Variants in ATP9B observed in about 807,000 individuals in gnomAD.
ATP9B encodes the protein probable phospholipid-transporting ATPase IIB.
Under a neutral mutation model 146.1 loss-of-function variants are expected in ATP9B, and 110 were observed. The observed-to-expected ratio is 0.75, with a 90% CI of 0.65 to 0.88. The LOEUF is 0.88. Among genes scored for constraint, ATP9B ranks in the 40% least tolerant of loss-of-function variants. The pLI is 0.00. For synonymous variants in ATP9B, 604 were observed against 569.7 expected (o/e 1.06, Z -0.86); for missense variants, 1,499 against 1,496.4 (o/e 1.00, Z -0.03).
chr18:79,365,758 G>A (rs116560294), intron 26 of ATP9B, among the ~76,000 whole-genome samples: 1,938 of 152,152 alleles, frequency 0.013, 44 homozygotes, highest in African/African-American at 0.044. Flanking sequence ...GGACATCTCC[G>A]TGGACAGGGA....
chr18:79,217,443 C>CA (rs2095638309), intron 11 of ATP9B, among the ~76,000 whole-genome samples: 1 of 152,240 alleles, frequency 6.6e-6, no homozygotes, highest in Admixed American at 6.5e-5. Flanking sequence ...CTCTGCCTCC[C>CA]AAAGTGCTGG....
chr18:79,321,532 GC>G (rs1433000548), intron 15 of ATP9B, among the ~76,000 whole-genome samples: 5 of 152,074 alleles, frequency 3.3e-5, no homozygotes, highest in Non-Finnish European at 7.4e-5. Context: ...ACAGGCATGT[GC>G]CCACCACTCC....
rs533263441 is a variant in ATP9B, at chr18:79,335,948, A to AG, written c.2029-674dup. Among the ~76,000 whole-genome samples, 109 of 152,180 alleles carry AG rather than the reference A, an allele frequency of 7.2e-4. 4 individuals are homozygous for AG. In the East Asian group the frequency reaches 0.02, roughly 28 times the overall value. Reference sequence around the variant, plus strand: ...TAAATCCATGGTATTACAACACGCCAGGGGGGTCCCCCTCTCCCCCAGTGT... The same window carrying AG: ...TAAATCCATGGTATTACAACACGCCAGGGGGGGTCCCCCTCTCCCCCAGTGT... On this transcript the variant is annotated intron_variant, in intron 17 of 29. Coordinates refer to ENST00000426216, the MANE Select transcript of ATP9B (RefSeq NM_198531.5).
At chr18:79,193,290 A>C in intron 9 of ATP9B, 27 bp downstream of exon 9, 1 of 1,527,784 alleles carries the variant, frequency 6.5e-7, no homozygotes, top group Non-Finnish European at 9.1e-7. Context: ...GTTCAATACA[A>C]ATAGAGTTAT....
intron 15 of ATP9B, among the ~76,000 whole-genome samples, chr18:79,328,050 C>A (rs1240287772): frequency 6.7e-6 from 1 of 149,286 alleles, no homozygotes; most frequent in East Asian, 2.0e-4. Flanking sequence ...TTAGCGTGCT[C>A]TCTCTGGTTA....
rs117882011 is a variant in ATP9B at position 79,262,693 on chromosome 18, C to T, written c.1268+9152C>T. On this transcript the variant is annotated intron_variant, in intron 12 of 29. Coordinates refer to ENST00000426216, the MANE Select transcript of ATP9B (RefSeq NM_198531.5). Reference sequence around the variant, plus strand: ...GTAATACCACAGTCCATCCCCTTTACGTGGTACATATGCCAGGGATTCCAT... The same window carrying T: ...GTAATACCACAGTCCATCCCCTTTATGTGGTACATATGCCAGGGATTCCAT... Among the ~76,000 whole-genome samples the T allele has an allele frequency of 1.4e-3, 209 of 152,330 alleles. 3 individuals are homozygous for T. Among genetic ancestry groups the T allele is most frequent in the Non-Finnish European group, 2.3e-3 (156 of 68,030 alleles).
At chr18:79,366,442 G>A (rs193016988) in intron 26 of ATP9B, among the ~76,000 whole-genome samples, 41 of 152,352 alleles carry the variant, frequency 2.7e-4, no homozygotes, top group African/African-American at 9.1e-4. Flanking sequence ...AAAAAGAACT[G>A]CAAACCGTGG....
At chr18:79,207,051 G>T in intron 10 of ATP9B, 39 bp downstream of exon 10, 15 of 1,574,936 alleles carry the variant, frequency 9.5e-6, no homozygotes, top group Non-Finnish European at 1.3e-5. Flanking sequence ...ATTGCTCCCG[G>T]ATAGATGATG....
rs33978603 is a variant in ATP9B, at chr18:79,376,216, A to AC, written c.3307+790_3307+791insC. The AC allele has an allele frequency of 1.2e-3, 890 of 768,410 alleles. 19 individuals are homozygous for AC. In the African/African-American group the frequency reaches 0.024, roughly 21 times the overall value. 47.6% of individuals were successfully genotyped at this position (768,410 alleles called of 1,614,324 possible). On this transcript the variant is annotated intron_variant, in intron 29 of 29. Transcript: ENST00000426216. ...ACACACACACACACACACACACACA[A>AC]AACAAAACAAAAAAATGGCTAGCCT...
At chr18:79,178,098 A>G (rs1245896814) in intron 8 of ATP9B, among the ~76,000 whole-genome samples, 1 of 152,080 alleles carries the variant, frequency 6.6e-6, no homozygotes, top group East Asian at 1.9e-4. Context: ...CAGCTATTAA[A>G]TAGTGAAGTT....
intron 26 of ATP9B, among the ~76,000 whole-genome samples, chr18:79,370,150 T>C (rs1464880458): frequency 6.6e-6 from 1 of 152,258 alleles, no homozygotes; most frequent in Non-Finnish European, 1.5e-5. Context: ...TTTTTACAAT[T>C]TTTGGTATGA....
At chr18:79,187,676 A>G (rs1175289365) in intron 8 of ATP9B, among the ~76,000 whole-genome samples, 1 of 152,184 alleles carries the variant, frequency 6.6e-6, no homozygotes, top group Non-Finnish European at 1.5e-5. Context: ...CCATTCCAGC[A>G]GTTCTCAGAG....
chr18:79,225,636 T>C lies in ATP9B; in HGVS notation c.1107+11598T>C, dbSNP rs371849988. 3.5e-4 allele frequency among the ~76,000 whole-genome samples: 52 copies of C among 149,192 alleles called. 1 individual carries two copies. The highest frequency in any genetic ancestry group is 1.1e-3 in the South Asian group (5 of 4,600). ...ACTGTCTTCAGCGTCTGAGTGACTGTTGGGTCCCGCAGTCGCAGGGCGGCC... is the reference window on the plus strand; with the variant it reads ...ACTGTCTTCAGCGTCTGAGTGACTGCTGGGTCCCGCAGTCGCAGGGCGGCC... On this transcript the variant is annotated intron_variant, in intron 11 of 29. Transcript: ENST00000426216.
chr18:79,329,198 A>C lies in ATP9B; in HGVS notation c.1831A>C (p.Thr611Pro), dbSNP rs1250338153. The change falls in exon 16 of 30, where the codon ACC becomes CCC. Residue 611 changes from threonine (T) to proline (P), a missense_variant. Thr to Pro is a conservative substitution (Grantham distance 38). Coordinates refer to ENST00000426216, the MANE Select transcript of ATP9B (RefSeq NM_198531.5). ...VGLTLVSRDL[T>P]SMQLKTPSGQ... ...CCTCACGCTGGTCAGCAGGGACCTC[A>C]CCTCCATGCAGCTGAAGACCCCCAG... 6.2e-7 allele frequency: 1 copy of C among 1,612,042 alleles called. No homozygotes were observed. Among genetic ancestry groups the C allele is most frequent in the South Asian group, 1.1e-5 (1 of 90,844 alleles).
At chr18:79,245,149 C>T (rs1256451164) in intron 11 of ATP9B, among the ~76,000 whole-genome samples, 4 of 152,118 alleles carry the variant, frequency 2.6e-5, no homozygotes, top group African/African-American at 9.7e-5. Flanking sequence ...ACAATGAGAG[C>T]TTTATAACCC....
At chr18:79,204,590 A>C (rs181184542) in intron 9 of ATP9B, among the ~76,000 whole-genome samples, 24 of 152,354 alleles carry the variant, frequency 1.6e-4, no homozygotes, top group African/African-American at 5.5e-4. Context: ...TGCTAAGTTC[A>C]GGAAAGCATG....
intron 26 of ATP9B, among the ~76,000 whole-genome samples, chr18:79,371,737 C>T (rs78430536): frequency 0.029 from 4,431 of 152,310 alleles, 128 homozygotes; most frequent in Admixed American, 0.09. Context: ...CCTCCATCTT[C>T]CCTGCTGTCT....
chr18:79,272,523 G>A (rs918911000), intron 12 of ATP9B, among the ~76,000 whole-genome samples: 3 of 150,324 alleles, frequency 2.0e-5, no homozygotes, highest in Admixed American at 6.6e-5. Context: ...GCACGGATAC[G>A]CTCCTGTCCC....
intron 15 of ATP9B, among the ~76,000 whole-genome samples, chr18:79,325,888 G>C (rs1454311068): frequency 0.027 from 2,101 of 77,722 alleles, no homozygotes; most frequent in Middle Eastern, 0.13. Flanking sequence ...TGTACCCTCC[G>C]TCCCCTCACA....
Sources: gnomAD v4.1 joint callset for allele counts (sites outside exome capture counted in the v4.1 genomes callset) on GRCh38, gnomAD v4.1.1 for gene constraint, MANE v1.5 for transcripts, NCBI Gene and HGNC (gene_info 2026-07-23, HGNC 2026-07-21) for gene names.